Variants in LPP observed in about 807,000 individuals in gnomAD.
LPP encodes lipoma-preferred partner.
Under a neutral mutation model 60.4 loss-of-function variants are expected in LPP, and 38 were observed. The observed-to-expected ratio is 0.63, with a 90% CI of 0.49 to 0.83. LPP has a LOEUF of 0.83. Among genes scored for constraint, LPP ranks in the 40% least tolerant of loss-of-function variants. LPP has a pLI of 0.00. For missense variants in LPP, 902 were observed against 783.6 expected (o/e 1.15, Z -1.80); for synonymous variants, 328 against 290.8 (o/e 1.13, Z -1.30).
intron 7 of LPP, among the ~76,000 whole-genome samples, chr3:188,622,323 C>T (rs142077228): frequency 6.8e-4 from 104 of 152,238 alleles, no homozygotes; most frequent in African/African-American, 2.4e-3. Flanking sequence ...GTATTCTCTT[C>T]GTGTTCATTA....
chr3:188,403,231 C>T (rs12634152), intron 3 of LPP, among the ~76,000 whole-genome samples: 66,009 of 151,870 alleles, frequency 0.43, 15,757 homozygotes, highest in Middle Eastern at 0.65. Flanking sequence ...TTGATACTTA[C>T]ATTTTATTTA....
chr3:188,415,490 T>G lies in LPP; in HGVS notation c.193+9177T>G, dbSNP rs779238562. 1.5e-3 allele frequency among the ~76,000 whole-genome samples: 221 copies of G among 152,142 alleles called. 3 individuals carry two copies. Among genetic ancestry groups the G allele is most frequent in the Middle Eastern group, 3.4e-3 (1 of 294 alleles). ...CACGAAAAAACCTGTACATGGATGT[T>G]CATAGCAACTTTTTTTTTTTTATCA... On this transcript the variant is annotated intron_variant, in intron 4 of 11. Coordinates refer to ENST00000617246, the MANE Select transcript of LPP (RefSeq NM_001375462.1).
chr3:188,303,361 G>C (rs1184889152), intron 2 of LPP, among the ~76,000 whole-genome samples: 1 of 152,182 alleles, frequency 6.6e-6, no homozygotes, highest in East Asian at 1.9e-4. Context: ...ACTTTGTTTT[G>C]TTCATTGGCT....
At chr3:188,441,649 C>G (rs1213810747) in intron 4 of LPP, among the ~76,000 whole-genome samples, 3 of 58,440 alleles carry the variant, frequency 5.1e-5, no homozygotes, top group African/African-American at 2.5e-4. Flanking sequence ...GAGATGGAGT[C>G]TCGCTCTGTC....
intron 4 of LPP, among the ~76,000 whole-genome samples, chr3:188,422,513 A>T (rs1223233709): frequency 6.6e-6 from 1 of 152,130 alleles, no homozygotes; most frequent in Admixed American, 6.6e-5. Context: ...TCTTCCCAAA[A>T]TCCCAGTGAA....
At chr3:188,818,785 T>C (rs925834030) in intron 9 of LPP, among the ~76,000 whole-genome samples, 1 of 152,104 alleles carries the variant, frequency 6.6e-6, no homozygotes, top group Non-Finnish European at 1.5e-5. Context: ...CCTTGCAGAG[T>C]TGTTAATATT....
chr3:188,614,231 G>A (rs1849917), intron 7 of LPP, among the ~76,000 whole-genome samples: 59,890 of 151,902 alleles, frequency 0.39, 12,318 homozygotes, highest in East Asian at 0.74. Flanking sequence ...TGCCCAGCCT[G>A]TTTTAATTTT....
intron 6 of LPP, among the ~76,000 whole-genome samples, chr3:188,589,765 A>G (rs1466657337): frequency 1.3e-5 from 2 of 152,222 alleles, no homozygotes; most frequent in African/African-American, 4.8e-5. Flanking sequence ...TAATTTCACA[A>G]ATTTTATCAG....
At position 188,609,861 on chromosome 3, in the gene LPP, CAT is replaced by C; in HGVS notation, c.1113+19_1113+20del. The C allele has an allele frequency of 6.3e-7, 1 of 1,595,644 alleles. No individual in the cohort carries two copies. Among genetic ancestry groups the C allele is most frequent in the Middle Eastern group, 1.7e-4 (1 of 5,934 alleles). Reference sequence around the variant, plus strand: ...CAGCCAAAGGTAAGAAACTCAGTAACATAAGGAGGAGAATACAGGGGTGCCTA... The same window carrying C: ...CAGCCAAAGGTAAGAAACTCAGTAACAAGGAGGAGAATACAGGGGTGCCTA... On this transcript the variant is annotated intron_variant, in intron 7 of 11. Coordinates refer to ENST00000617246, the MANE Select transcript of LPP (RefSeq NM_001375462.1). This position sits in a 1 kb window ranked among gnomAD's most constrained non-coding sequence, Gnocchi z 6.9.
intron 3 of LPP, among the ~76,000 whole-genome samples, chr3:188,379,716 T>C (rs1487556048): frequency 6.6e-6 from 1 of 152,234 alleles, no homozygotes; most frequent in Non-Finnish European, 1.5e-5. Flanking sequence ...TTTTGTTACT[T>C]TGTTTCTTTC....
chr3:188,872,872 C>CCTA (rs759485406), intron 11 of LPP, 109 bp downstream of exon 11: 4 of 1,439,748 alleles, frequency 2.8e-6, no homozygotes, highest in Non-Finnish European at 3.8e-6. Flanking sequence ...GGCCTTAGTG[C>CCTA]CTGTACTCAT....
intron 1 of LPP, among the ~76,000 whole-genome samples, chr3:188,173,579 A>G (rs1341986081): frequency 6.6e-6 from 1 of 152,140 alleles, no homozygotes; most frequent in African/African-American, 2.4e-5. Context: ...AAAAAAAAGT[A>G]AGAAAGAAAA....
chr3:188,704,738 GTA>G (rs1865137249), intron 7 of LPP, among the ~76,000 whole-genome samples: 1 of 150,440 alleles, frequency 6.6e-6, no homozygotes, highest in Non-Finnish European at 1.5e-5. Context: ...TAAATTTTGT[GTA>G]CACTGCAGAT....
At chr3:188,374,931 T>C (rs1774512286) in intron 3 of LPP, among the ~76,000 whole-genome samples, 1 of 152,168 alleles carries the variant, frequency 6.6e-6, no homozygotes, top group East Asian at 1.9e-4. Context: ...TGTTGAATTT[T>C]GTCAAAGGCC....
At chr3:188,203,544 T>TATAA (rs1732085922) in intron 1 of LPP, among the ~76,000 whole-genome samples, 1 of 101,412 alleles carries the variant, frequency 9.9e-6, no homozygotes, top group African/African-American at 3.9e-5. Flanking sequence ...TTTAAATATA[T>TATAA]ATATATTTTT....
intron 1 of LPP, among the ~76,000 whole-genome samples, chr3:188,189,902 T>G (rs1727669732): frequency 6.6e-6 from 1 of 151,270 alleles, no homozygotes; most frequent in Non-Finnish European, 1.5e-5. Flanking sequence ...GGGTGATTGA[T>G]GAGAGGAGGT....
intron 3 of LPP, among the ~76,000 whole-genome samples, chr3:188,379,510 CA>C (rs1578467202): frequency 6.6e-6 from 1 of 152,198 alleles, no homozygotes; most frequent in East Asian, 1.9e-4. Flanking sequence ...CACCAAAAAA[CA>C]AACAAACAAA....
At chr3:188,542,455 A>G (rs1166007904) in intron 6 of LPP, among the ~76,000 whole-genome samples, 1 of 152,162 alleles carries the variant, frequency 6.6e-6, no homozygotes, top group Non-Finnish European at 1.5e-5. Context: ...ACTGTGAACT[A>G]CTTGCCTTGT....
chr3:188,588,764 G>A (rs1838041581), intron 6 of LPP, among the ~76,000 whole-genome samples: 1 of 152,066 alleles, frequency 6.6e-6, no homozygotes, highest in African/African-American at 2.4e-5. Flanking sequence ...TGTTCACATT[G>A]TTTGCTGGAA....
Sources: gnomAD v4.1 joint callset for allele counts (sites outside exome capture counted in the v4.1 genomes callset) on GRCh38, gnomAD v4.1.1 for gene constraint, Gnocchi (gnomAD v3.1) non-coding constraint, MANE v1.5 for transcripts, NCBI Gene and HGNC (gene_info 2026-07-23, HGNC 2026-07-21) for gene names.